RIPOR2: variants seen among roughly 807,000 people sequenced by gnomAD.
The protein encoded by RIPOR2 is RHO family interacting cell polarization regulator 2, also known as rho family-interacting cell polarization regulator 2.
RIPOR2 carries 39 observed loss-of-function variants against 114.5 expected under a neutral mutation model. That is an observed-to-expected ratio of 0.34 (90% CI 0.26 to 0.44). The LOEUF is 0.44. RIPOR2 is among the 20% of genes least tolerant of loss of function. The pLI, the probability that RIPOR2 is intolerant of heterozygous loss-of-function variation, is 1.00. For synonymous variants in RIPOR2, 445 were observed against 484.4 expected, an observed-to-expected ratio of 0.92 and a Z score of 1.07; for missense variants, 1,007 against 1,255.1, an observed-to-expected ratio of 0.80 and a Z score of 2.99.
At chr6:24,875,929 G>T in intron 1 of RIPOR2, 112 bp from the exon 2 acceptor site, 2 of 976,276 alleles carry the variant, frequency 2.0e-6, no homozygotes, top group Non-Finnish European at 3.1e-6. Context: ...ACTGTTAAGT[G>T]CTTGTGAGGT....
chr6:24,900,283 G>A (rs1199091576), intron 1 of RIPOR2, among the ~76,000 whole-genome samples: 1 of 152,134 alleles, frequency 6.6e-6, no homozygotes, highest in Non-Finnish European at 1.5e-5. Flanking sequence ...ACCAAGCTCT[G>A]CCTCTTAGTA....
chr6:24,961,204 G>A (rs1175158267), intron 1 of RIPOR2, among the ~76,000 whole-genome samples: 2 of 152,168 alleles, frequency 1.3e-5, no homozygotes, highest in African/African-American at 4.8e-5. Context: ...AGTTTTATAG[G>A]CTGTTAAAGT....
intron 1 of RIPOR2, among the ~76,000 whole-genome samples, chr6:25,033,924 G>A (rs967634253): frequency 1.3e-5 from 2 of 151,840 alleles, no homozygotes; most frequent in African/African-American, 4.8e-5. Context: ...ATGTTACTTG[G>A]ATTAATTCTT....
chr6:24,842,308 G>C (rs1371560121), intron 13 of RIPOR2, among the ~76,000 whole-genome samples: 1 of 152,158 alleles, frequency 6.6e-6, no homozygotes, highest in Non-Finnish European at 1.5e-5. Flanking sequence ...CCTATGGATT[G>C]AGGGTATCCC....
At chr6:24,993,025 G>A (rs1448444492) in intron 1 of RIPOR2, among the ~76,000 whole-genome samples, 1 of 152,168 alleles carries the variant, frequency 6.6e-6, no homozygotes, top group Non-Finnish European at 1.5e-5. Context: ...TTTGTTGTTT[G>A]TATTTCTGTC....
chr6:25,013,998 T>C (rs1426732247), intron 1 of RIPOR2, among the ~76,000 whole-genome samples: 1 of 152,194 alleles, frequency 6.6e-6, no homozygotes, highest in Non-Finnish European at 1.5e-5. Flanking sequence ...GGAAGTGGCT[T>C]CAATGTTGAT....
chr6:24,879,421 C>T (rs1288339207), intron 1 of RIPOR2, among the ~76,000 whole-genome samples: 1 of 152,122 alleles, frequency 6.6e-6, no homozygotes, highest in Non-Finnish European at 1.5e-5. Flanking sequence ...CTAGAGTGAG[C>T]AGTTTTGTTT....
chr6:24,927,182 T>TCACCAC lies in RIPOR2; in HGVS notation c.61+8655_61+8656insGTGGTG, dbSNP rs1350897331. On this transcript the variant is annotated intron_variant, in intron 1 of 21. Transcript: ENST00000643898. Reference sequence around the variant, plus strand: ...ACCACAACTACAATCACCACCACCATGACCACCACCACAACTACAAGCACC... The same window carrying TCACCAC: ...ACCACAACTACAATCACCACCACCATCACCACGACCACCACCACAACTACAAGCACC... Among the ~76,000 whole-genome samples the TCACCAC allele has an allele frequency of 2.5e-3, 8 of 3,220 alleles. 2 individuals carry two copies. The South Asian group carries it at 0.071, about 29-fold the overall frequency. The allele number at this position is 3,220 out of a possible 152,430, so 2.1% of individuals were successfully genotyped here.
At chr6:25,012,586 C>G (rs1009624369) in intron 1 of RIPOR2, among the ~76,000 whole-genome samples, 2 of 152,116 alleles carry the variant, frequency 1.3e-5, no homozygotes, top group African/African-American at 4.8e-5. Flanking sequence ...AATAAATTAG[C>G]TTTAAAAACA....
At chr6:24,829,559 T>G (rs970331443) in intron 17 of RIPOR2, among the ~76,000 whole-genome samples, 1 of 152,112 alleles carries the variant, frequency 6.6e-6, no homozygotes, top group Non-Finnish European at 1.5e-5. Flanking sequence ...CCCAGGAGAT[T>G]GAGGCTGCAG....
In RIPOR2 at chr6:24,876,878, T is replaced by C. The variant is rs1241264729; in HGVS notation, c.62-1061A>G. On this transcript the variant is annotated intron_variant, in intron 1 of 21. Transcript: ENST00000643898. ...AGCTGAGCAGAAGCCCAGGGCTAGT[T>C]CCCCCAAAGGATGACCCTGCAACTG... 6.8e-6 allele frequency: 5 copies of C among 734,264 alleles called. No homozygotes were observed. The African/African-American group carries it at 7.7e-5, about 11-fold the overall frequency. 45.5% of individuals were successfully genotyped at this position (734,264 alleles called of 1,614,324 possible).
chr6:24,830,575 T>C lies in RIPOR2; in HGVS notation c.2440A>G (p.Met814Val). ...GCAAAGCTGGCCTCCAGCTGCTTCA[T>C]CACTCTGTCCGCTGGGCTGTGGTAG... ...GVYHSPADRV[M>V]KQLEASFART... Residue 814 changes from methionine to valine, a missense_variant, in exon 17 of 22, where the codon ATG becomes GTG. Coordinates refer to ENST00000643898, the MANE Select transcript of RIPOR2 (RefSeq NM_001286445.3). 1 of 1,551,542 alleles carries C rather than the reference T, an allele frequency of 6.4e-7. No homozygotes were observed. Among genetic ancestry groups the C allele is most frequent in the Non-Finnish European group, 8.7e-7 (1 of 1,146,988 alleles).
intron 19 of RIPOR2, among the ~76,000 whole-genome samples, chr6:24,820,052 G>C (rs564265861): frequency 1.3e-5 from 2 of 151,980 alleles, no homozygotes; most frequent in East Asian, 3.9e-4. Flanking sequence ...TATTTTTGGA[G>C]ATGGAGTTTC....
At position 24,818,764 on chromosome 6, in the gene RIPOR2, A is replaced by G. The variant is rs1203901076; in HGVS notation, c.2869-139T>C. ...ACTACCTTCAGAGCAAGAAAAAAAAAGCCATTGAAATTCATATTAATTAAA... is the reference window on the plus strand; with the variant it reads ...ACTACCTTCAGAGCAAGAAAAAAAAGGCCATTGAAATTCATATTAATTAAA... On this transcript the variant is annotated intron_variant, in intron 19 of 21. Transcript: ENST00000643898. 8.9e-6 allele frequency: 4 copies of G among 451,288 alleles called. No homozygotes were observed. In the Admixed American group the frequency reaches 1.2e-4, roughly 13 times the overall value. The allele number at this position is 451,288 out of a possible 1,614,324, so 28.0% of individuals were successfully genotyped here. A position where few individuals can be genotyped will look rare whatever the true frequency, so the allele number is the denominator to read the frequency against.
chr6:24,827,083 A>G (rs746732493), intron 18 of RIPOR2, among the ~76,000 whole-genome samples: 3 of 152,184 alleles, frequency 2.0e-5, no homozygotes, highest in Non-Finnish European at 4.4e-5. Flanking sequence ...TGAGTAATAT[A>G]AACATTTTCT....
chr6:24,840,375 G>A (rs920474407), intron 13 of RIPOR2: 1 of 1,142,758 alleles, frequency 8.8e-7, no homozygotes, highest in African/African-American at 1.6e-5. Context: ...CCAGGCCCTG[G>A]CATCATGGGA....
intron 1 of RIPOR2, among the ~76,000 whole-genome samples, chr6:24,951,063 G>A (rs1456294772): frequency 6.6e-6 from 1 of 152,176 alleles, no homozygotes; most frequent in African/African-American, 2.4e-5. Context: ...TGACTTCATT[G>A]ATTTCCAGAA....
At chr6:24,807,921 G>A (rs768740214) in intron 21 of RIPOR2, among the ~76,000 whole-genome samples, 3 of 152,118 alleles carry the variant, frequency 2.0e-5, no homozygotes, top group Admixed American at 2.0e-4. Context: ...AGAAAAATGT[G>A]CCAGTATTTG....
At position 24,849,869 on chromosome 6, in the gene RIPOR2, G is replaced by T; in HGVS notation, c.967C>A (p.Pro323Thr). The T allele has an allele frequency of 6.2e-7, 1 of 1,613,820 alleles. No homozygotes were observed. The highest frequency in any genetic ancestry group is 8.5e-7 in the Non-Finnish European group (1 of 1,179,752). The change falls in exon 11 of 22, where the codon CCT becomes ACT. Residue 323 changes from proline to threonine, a missense_variant. Coordinates refer to ENST00000643898, the MANE Select transcript of RIPOR2 (RefSeq NM_001286445.3). ...CETKELFAAR[P>T]QVVAVDINDL... ...TTGATGTCGACAGCCACTACCTGAG[G>T]TCGGGCTGCAAACAGCTCTTTGGTC...
Sources: gnomAD v4.1 joint callset for allele counts (sites outside exome capture counted in the v4.1 genomes callset) on GRCh38, gnomAD v4.1.1 for gene constraint, MANE v1.5 for transcripts, NCBI Gene and HGNC (gene_info 2026-07-23, HGNC 2026-07-21) for gene names.